UBE4A: variants seen among roughly 807,000 people sequenced by gnomAD.
The protein encoded by UBE4A is ubiquitin conjugation factor E4 A.
A neutral mutation model predicts 117.9 loss-of-function variants in UBE4A; 48 were observed. The ratio of observed to expected loss-of-function variants is 0.41; its 90% CI spans 0.32 to 0.52. The LOEUF is 0.52. Among genes scored for constraint, UBE4A ranks in the 20% least tolerant of loss-of-function variants. The pLI, the probability that UBE4A is intolerant of heterozygous loss-of-function variation, is 0.33. For synonymous variants in UBE4A, 407 were observed against 450.0 expected (o/e 0.90, Z 1.21); for missense variants, 1,067 against 1,296.3 (o/e 0.82, Z 2.72).
chr11:118,395,705 G>T (rs1378435584), intron 19 of UBE4A, among the ~76,000 whole-genome samples: 1 of 152,200 alleles, frequency 6.6e-6, no homozygotes, highest in Non-Finnish European at 1.5e-5. Flanking sequence ...GAAATCTAAA[G>T]GTGACAGAAG....
intron 18 of UBE4A, among the ~76,000 whole-genome samples, chr11:118,391,729 G>T (rs1019162661): frequency 1.2e-4 from 18 of 151,428 alleles, no homozygotes; most frequent in African/African-American, 4.1e-4. Context: ...AGGAAGCAGA[G>T]CTTGCAGTGA....
chr11:118,372,382 A>C, intron 5 of UBE4A, 125 bp from the exon 6 acceptor site: 10 of 923,302 alleles, frequency 1.1e-5, no homozygotes, highest in African/African-American at 1.7e-5. Context: ...CAAGGAAGGA[A>C]TCTCTAATTA....
chr11:118,363,114 A>G (rs1216436520), intron 1 of UBE4A, among the ~76,000 whole-genome samples: 1 of 152,210 alleles, frequency 6.6e-6, no homozygotes, highest in East Asian at 1.9e-4. Flanking sequence ...GTGTTTTTAC[A>G]TTAACTACAG....
chr11:118,385,904 C>G (rs1395398058), intron 15 of UBE4A, among the ~76,000 whole-genome samples: 1 of 152,170 alleles, frequency 6.6e-6, no homozygotes, highest in Non-Finnish European at 1.5e-5. Context: ...AAGCATGAAG[C>G]AGATGGTATT....
At chr11:118,393,706 C>G (rs1284120316) in intron 19 of UBE4A, among the ~76,000 whole-genome samples, 3 of 152,066 alleles carry the variant, frequency 2.0e-5, no homozygotes, top group Admixed American at 1.3e-4. Context: ...AGTGATTCTT[C>G]AGCCTCAGCC....
intron 16 of UBE4A, 120 bp downstream of exon 16, chr11:118,386,732 G>A (rs1348809156): frequency 2.6e-6 from 3 of 1,134,638 alleles, no homozygotes; most frequent in Admixed American, 3.1e-5. Context: ...CTCCACATCT[G>A]GAAGGGAAAC....
chr11:118,384,312 C>T (rs1469056300), intron 13 of UBE4A, among the ~76,000 whole-genome samples: 2 of 152,204 alleles, frequency 1.3e-5, no homozygotes, highest in East Asian at 3.8e-4. Flanking sequence ...ATGGCCAGCC[C>T]TGAGCCCTCA....
intron 9 of UBE4A, among the ~76,000 whole-genome samples, chr11:118,376,170 G>A (rs1471986056): frequency 6.6e-6 from 1 of 152,088 alleles, no homozygotes; most frequent in African/African-American, 2.4e-5. Context: ...ACAGAGAAAT[G>A]AAGAGAAAAT....
In UBE4A at chr11:118,384,690, C is replaced by T; in HGVS notation, c.2253C>T (p.Ile751=). 1 of 1,614,072 alleles carries T rather than the reference C, an allele frequency of 6.2e-7. No homozygotes were observed. Among genetic ancestry groups the T allele is most frequent in the Non-Finnish European group, 8.5e-7 (1 of 1,180,014 alleles). The change falls in exon 14 of 20, where the codon ATC becomes ATT. Residue 751 remains isoleucine, a synonymous_variant. Coordinates refer to ENST00000252108, the MANE Select transcript of UBE4A (RefSeq NM_001204077.2). ...KFNYRRPMYP[I]LRYMWGTDTY... Reference sequence around the variant, plus strand: ...ATTACCGCCGTCCCATGTATCCTATCCTAAGATACATGTGGGGGACAGATA... The same window carrying T: ...ATTACCGCCGTCCCATGTATCCTATTCTAAGATACATGTGGGGGACAGATA...
At position 118,371,524 on chromosome 11, in the gene UBE4A, C is replaced by T. The variant is rs1305780617; in HGVS notation, c.419C>T (p.Ala140Val). The change falls in exon 5 of 20, where the codon GCT (alanine) becomes GTT (valine). Residue 140 changes from alanine to valine, a missense_variant. Ala to Val is a moderately conservative substitution (Grantham distance 64). Around this residue, in one of 3 missense-constraint regions of UBE4A, gnomAD observed 1,001 missense variants for 1,184.0 expected, o/e 0.85. Transcript: ENST00000252108. ...TGGTTTTCTTTATAGGCCCTCTTCGCTCGCTTATTACTTCAAGATCCAGGC... is the reference window on the plus strand; with the variant it reads ...TGGTTTTCTTTATAGGCCCTCTTCGTTCGCTTATTACTTCAAGATCCAGGC... Reference protein sequence around the residue: ...DMSNVEQALFARLLLQDPGNH... With the variant: ...DMSNVEQALFVRLLLQDPGNH... 3 of 1,610,738 alleles carry T rather than the reference C, an allele frequency of 1.9e-6. No homozygotes were observed. The African/African-American group carries it at 4.0e-5, about 22-fold the overall frequency.
intron 18 of UBE4A, among the ~76,000 whole-genome samples, chr11:118,392,358 C>T (rs782245670): frequency 1.3e-5 from 2 of 152,204 alleles, no homozygotes; most frequent in African/African-American, 2.4e-5. Flanking sequence ...ATGAGTGACT[C>T]TAATTATGCA....
chr11:118,373,768 G>C, intron 8 of UBE4A, 83 bp downstream of exon 8: 2 of 1,441,622 alleles, frequency 1.4e-6, no homozygotes, highest in South Asian at 3.0e-5. Context: ...GGCTGCTCAA[G>C]CCTCTCTGGG....
At position 118,371,523 on chromosome 11, in the gene UBE4A, G is replaced by T. The variant is rs144917981; in HGVS notation, c.418G>T (p.Ala140Ser). The T allele has an allele frequency of 2.5e-6, 4 of 1,608,418 alleles. No individual in the cohort carries two copies. Among genetic ancestry groups the T allele is most frequent in the Non-Finnish European group, 3.4e-6 (4 of 1,176,866 alleles). The change falls in exon 5 of 20, where the codon GCT becomes TCT. Residue 140 changes from alanine (A) to serine (S), a missense_variant. By Grantham distance (99) the Ala-to-Ser change is moderately conservative. Coordinates refer to ENST00000252108, the MANE Select transcript of UBE4A (RefSeq NM_001204077.2). ...DMSNVEQALF[A>S]RLLLQDPGNH... ...TTGGTTTTCTTTATAGGCCCTCTTC[G>T]CTCGCTTATTACTTCAAGATCCAGG...
intron 19 of UBE4A, 40 bp from the exon 20 acceptor site, chr11:118,396,274 T>A (rs782531950): frequency 6.3e-6 from 10 of 1,588,792 alleles, no homozygotes; most frequent in Non-Finnish European, 8.5e-6. Context: ...TGTTAGAACT[T>A]ATGGAAATAA....
rs773480511 is a variant in UBE4A, at chr11:118,371,194, C to T, written c.409-320C>T. ...ATCTTTATATAAGTCTGAATGAGAT[C>T]AGCAATCACACAGAATAGTAGATTT... On this transcript the variant is annotated intron_variant, in intron 4 of 19. Transcript: ENST00000252108. Among the ~76,000 whole-genome samples, 10 of 152,252 alleles carry T rather than the reference C, an allele frequency of 6.6e-5. No homozygotes were observed. In the South Asian group the frequency reaches 1.2e-3, roughly 19 times the overall value.
At chr11:118,380,740 A>G (rs1555126212) in intron 11 of UBE4A, among the ~76,000 whole-genome samples, 1 of 152,136 alleles carries the variant, frequency 6.6e-6, no homozygotes, top group Non-Finnish European at 1.5e-5. Flanking sequence ...GGATCCACTT[A>G]CAAGCCCAGT....
rs782187449 is a variant in UBE4A at position 118,390,807 on chromosome 11, G to A, written c.2916+3G>A. On this transcript the variant is annotated splice_donor_region_variant and intron_variant, in intron 18 of 19. Transcript: ENST00000252108. ...GCAACTTGGCAGAGAGAATCAAGGT[G>A]AGGAAGAGGAGGAATTGTTTGCTGA... 12 of 1,609,640 alleles carry A rather than the reference G, an allele frequency of 7.5e-6. No homozygotes were observed. In the Admixed American group the frequency reaches 1.8e-4, roughly 25 times the overall value.
At chr11:118,388,114 A>G (rs1948775993) in intron 16 of UBE4A, among the ~76,000 whole-genome samples, 1 of 152,220 alleles carries the variant, frequency 6.6e-6, no homozygotes, top group African/African-American at 2.4e-5. Flanking sequence ...AGGACAGCAC[A>G]TGGCTCTGCT....
chr11:118,375,209 T>G lies in UBE4A; in HGVS notation c.1430T>G (p.Ile477Ser). The G allele has an allele frequency of 3.1e-6, 5 of 1,608,798 alleles. No individual in the cohort carries two copies. Among genetic ancestry groups the G allele is most frequent in the Non-Finnish European group, 4.3e-6 (5 of 1,176,404 alleles). ...LKELNDEERK[I>S]KNVHMRGLDK... ...GAGTTGAATGATGAAGAACGAAAAA[T>G]TAAAAATGTACACATGAGAGGTAGG... The change falls in exon 9 of 20, where the codon ATT becomes AGT. Residue 477 changes from isoleucine to serine, a missense_variant. Around this residue, in one of 3 missense-constraint regions of UBE4A, gnomAD observed 1,001 missense variants for 1,184.0 expected, o/e 0.85. Transcript: ENST00000252108.
Sources: allele counts gnomAD v4.1 joint callset (sites outside exome capture counted in the v4.1 genomes callset), GRCh38; gene constraint gnomAD v4.1.1; regional missense constraint gnomAD v4.1.1; transcripts MANE v1.5; gene names NCBI Gene and HGNC (gene_info 2026-07-23, HGNC 2026-07-21).